The following MLLT3 variants were observed in gnomAD, a reference collection of about 807,000 sequenced individuals.
MLLT3 encodes protein AF-9.
MLLT3 carries 4 observed loss-of-function variants against 53.2 expected under a neutral mutation model. The observed-to-expected ratio is 0.08, with a 90% CI of 0.04 to 0.17. The LOEUF (loss-of-function observed/expected upper bound fraction) is 0.17. Among genes scored for constraint, MLLT3 ranks in the 10% least tolerant of loss-of-function variants. The pLI is 1.00. For synonymous variants in MLLT3, 283 were observed against 230.6 expected (o/e 1.23, Z -2.06); for missense variants, 569 against 684.0 (o/e 0.83, Z 1.87).
intron 2 of MLLT3, among the ~76,000 whole-genome samples, chr9:20,578,743 G>T (rs1190423201): frequency 1.3e-5 from 2 of 151,572 alleles, no homozygotes; most frequent in African/African-American, 4.8e-5. Flanking sequence ...CATTATATTG[G>T]GAACAATTCA....
intron 3 of MLLT3, among the ~76,000 whole-genome samples, chr9:20,449,420 A>T (rs1427470798): frequency 6.6e-6 from 1 of 152,206 alleles, no homozygotes; most frequent in Non-Finnish European, 1.5e-5. Context: ...TCAAGCTGTT[A>T]CTTAAGTTGA....
chr9:20,528,723 G>A (rs1463618966), intron 2 of MLLT3, among the ~76,000 whole-genome samples: 1 of 152,084 alleles, frequency 6.6e-6, no homozygotes. Flanking sequence ...TGAAATTTAG[G>A]GAAAACTCAG....
chr9:20,390,471 C>T (rs1193971544), intron 5 of MLLT3, among the ~76,000 whole-genome samples: 3 of 152,126 alleles, frequency 2.0e-5, no homozygotes, highest in Non-Finnish European at 4.4e-5. Flanking sequence ...AAATTTTGTA[C>T]ATACAAAAAT....
chr9:20,518,146 A>C (rs374468819), intron 2 of MLLT3, among the ~76,000 whole-genome samples: 2 of 151,854 alleles, frequency 1.3e-5, no homozygotes, highest in African/African-American at 4.8e-5. Context: ...AGGAGTTCGC[A>C]ACCAGCCTGG....
chr9:20,464,005 T>G (rs1256437986), intron 2 of MLLT3, among the ~76,000 whole-genome samples: 2 of 151,854 alleles, frequency 1.3e-5, no homozygotes, highest in African/African-American at 4.8e-5. Context: ...CTTTTTAAAA[T>G]AAAATATATA....
At chr9:20,457,227 G>A (rs536166598) in intron 2 of MLLT3, among the ~76,000 whole-genome samples, 55 of 141,086 alleles carry the variant, frequency 3.9e-4, no homozygotes, top group Non-Finnish European at 4.7e-4. Flanking sequence ...GAGATGTCCT[G>A]ACAAGGACAT....
intron 2 of MLLT3, among the ~76,000 whole-genome samples, chr9:20,568,582 C>T (rs1819446455): frequency 6.6e-6 from 1 of 152,168 alleles, no homozygotes; most frequent in Admixed American, 6.6e-5. Context: ...GAGAAAACTA[C>T]AGTCCCCTGA....
intron 2 of MLLT3, among the ~76,000 whole-genome samples, chr9:20,541,149 C>A (rs1818619757): frequency 6.6e-6 from 1 of 152,216 alleles, no homozygotes; most frequent in East Asian, 1.9e-4. Context: ...CCATCTGAGA[C>A]CACCTGTCTG....
In MLLT3 at chr9:20,386,815, G is replaced by C. The variant is rs567703552; in HGVS notation, c.1126-21071C>G. On this transcript the variant is annotated intron_variant, in intron 5 of 10. Transcript: ENST00000380338. ...TTTCTGGATATATATATAACATTCT[G>C]AACTAAACCTAGATAATAATAAGTT... 5.3e-5 allele frequency among the ~76,000 whole-genome samples: 8 copies of C among 152,178 alleles called. 1 individual carries two copies. The highest frequency in any genetic ancestry group is 1.9e-4 in the African/African-American group (8 of 41,524).
In MLLT3 at chr9:20,567,767, G is replaced by A. The variant is rs572974413; in HGVS notation, c.193+52887C>T. The stretch of plus-strand genomic sequence containing the variant: ...ATTGATTTATACATTAACCAAACAG[G>A]TTTTTGGCTCAGAGTCAAGAAGGGC... On this transcript the variant is annotated intron_variant, in intron 2 of 10. Coordinates refer to ENST00000380338, the MANE Select transcript of MLLT3 (RefSeq NM_004529.4). Among the ~76,000 whole-genome samples, 128 of 152,174 alleles carry A rather than the reference G, an allele frequency of 8.4e-4. 1 individual carries two copies. The highest frequency in any genetic ancestry group is 3.4e-3 in the Middle Eastern group (1 of 294).
intron 2 of MLLT3, among the ~76,000 whole-genome samples, chr9:20,516,999 T>C (rs1414554752): frequency 6.6e-6 from 1 of 152,240 alleles, no homozygotes; most frequent in African/African-American, 2.4e-5. Flanking sequence ...TAATTAGCTA[T>C]AGGAAATAAT....
intron 2 of MLLT3, among the ~76,000 whole-genome samples, chr9:20,496,944 C>G (rs557608576): frequency 6.6e-6 from 1 of 152,334 alleles, no homozygotes; most frequent in African/African-American, 2.4e-5. Context: ...CACTGATCCT[C>G]CAACTTCCCT....
intron 5 of MLLT3, among the ~76,000 whole-genome samples, chr9:20,392,370 T>C (rs1822209460): frequency 6.6e-6 from 1 of 152,140 alleles, no homozygotes; most frequent in Admixed American, 6.6e-5. Context: ...ATGATAGAAC[T>C]GTAATTTGAT....
intron 2 of MLLT3, among the ~76,000 whole-genome samples, chr9:20,601,120 C>CA (rs1012072780): frequency 2.8e-5 from 4 of 143,964 alleles, no homozygotes; most frequent in African/African-American, 1.1e-4. Context: ...TTGACAACGT[C>CA]AAAACGTCAG....
intron 6 of MLLT3, among the ~76,000 whole-genome samples, chr9:20,363,964 AAATC>A (rs1303777521): frequency 6.6e-6 from 1 of 152,266 alleles, no homozygotes; most frequent in African/African-American, 2.4e-5. Context: ...TGAGATTAAT[AAATC>A]ACTGTGGTTG....
chr9:20,566,119 A>T (rs1202655944), intron 2 of MLLT3, among the ~76,000 whole-genome samples: 1 of 146,450 alleles, frequency 6.8e-6, no homozygotes, highest in East Asian at 2.0e-4. Flanking sequence ...ATCACATGGA[A>T]TTAACCACTT....
chr9:20,539,892 T>C (rs991036496), intron 2 of MLLT3, among the ~76,000 whole-genome samples: 1 of 152,162 alleles, frequency 6.6e-6, no homozygotes, highest in Admixed American at 6.5e-5. Flanking sequence ...GTCCCTTCCA[T>C]CTAGAAGCCT....
chr9:20,551,951 C>A (rs1454933768), intron 2 of MLLT3, among the ~76,000 whole-genome samples: 2 of 152,194 alleles, frequency 1.3e-5, no homozygotes, highest in African/African-American at 2.4e-5. Context: ...AATACACAAA[C>A]CTGCTCTGAT....
rs575518542 is a variant in MLLT3, at chr9:20,526,190, C to G, written c.194-69404G>C. On this transcript the variant is annotated intron_variant, in intron 2 of 10. Transcript: ENST00000380338. ...ATAATGAACTTTTTTAAAAAGTAAGCTTATCAAAGACTAGTGTACATACAT... is the reference window on the plus strand; with the variant it reads ...ATAATGAACTTTTTTAAAAAGTAAGGTTATCAAAGACTAGTGTACATACAT... Among the ~76,000 whole-genome samples, 92 of 152,260 alleles carry G rather than the reference C, an allele frequency of 6.0e-4. 1 individual carries two copies. In the South Asian group the frequency reaches 0.019, roughly 31 times the overall value.
Sources: gnomAD v4.1 joint callset for allele counts (sites outside exome capture counted in the v4.1 genomes callset) on GRCh38, gnomAD v4.1.1 for gene constraint, MANE v1.5 for transcripts, NCBI Gene and HGNC (gene_info 2026-07-23, HGNC 2026-07-21) for gene names.